Variants in MS4A13 observed in about 807,000 individuals in gnomAD.
MS4A13 encodes membrane-spanning 4-domains subfamily A member 13.
In MS4A13, 21 loss-of-function variants were observed where a neutral mutation model predicts 18.4. The ratio of observed to expected loss-of-function variants is 1.14; its 90% CI spans 0.81 to 1.64. The LOEUF is 1.64. MS4A13 is among the 40% of genes most tolerant of loss of function. The pLI is 0.00. For missense variants in MS4A13, 173 were observed against 176.8 expected (o/e 0.98, Z 0.12); for synonymous variants, 62 against 57.2 (o/e 1.08, Z -0.38).
intron 5 of MS4A13, among the ~76,000 whole-genome samples, chr11:60,527,410 C>CTCTCTCTCTCTG (rs1555024373): frequency 3.5e-5 from 1 of 28,786 alleles, no homozygotes; most frequent in African/African-American, 1.6e-4. Context: ...CTCTCTCTCT[C>CTCTCTCTCTCTG]TGTGTGTGTG....
At chr11:60,540,314 T>C (rs1166804310) in intron 6 of MS4A13, among the ~76,000 whole-genome samples, 3 of 152,236 alleles carry the variant, frequency 2.0e-5, no homozygotes, top group Non-Finnish European at 2.9e-5. Context: ...GGTCCATGTA[T>C]CATAGCTTGC....
chr11:60,521,751 A>C (rs1221921084), intron 3 of MS4A13, among the ~76,000 whole-genome samples: 1 of 152,198 alleles, frequency 6.6e-6, no homozygotes, highest in African/African-American at 2.4e-5. Context: ...CCTGTTACCC[A>C]GTTCCAAAGT....
chr11:60,527,392 C>CTGTGTGTG (rs2086723454), intron 5 of MS4A13, among the ~76,000 whole-genome samples: 9 of 122,206 alleles, frequency 7.4e-5, no homozygotes, highest in African/African-American at 3.1e-4. Flanking sequence ...CTCTCTCTCT[C>CTGTGTGTG]TCTCTCTCTC....
intron 6 of MS4A13, among the ~76,000 whole-genome samples, chr11:60,531,628 A>G (rs2086767347): frequency 6.6e-6 from 1 of 152,216 alleles, no homozygotes; most frequent in South Asian, 2.1e-4. Context: ...ACTGTAGCTT[A>G]AACAACAAAC....
At chr11:60,537,005 C>A (rs1424530789) in intron 6 of MS4A13, among the ~76,000 whole-genome samples, 3 of 102,794 alleles carry the variant, frequency 2.9e-5, no homozygotes, top group African/African-American at 1.2e-4. Context: ...CCCTTCCTTA[C>A]ACCTTATACA....
At chr11:60,517,895 G>A (rs1265350155) in intron 2 of MS4A13, among the ~76,000 whole-genome samples, 177 bp from the exon 3 acceptor site, 1 of 152,142 alleles carries the variant, frequency 6.6e-6, no homozygotes, top group Non-Finnish European at 1.5e-5. Flanking sequence ...GTAAATCTCA[G>A]TCCTTCCTGA....
At chr11:60,519,284 G>A (rs1489633764) in intron 3 of MS4A13, among the ~76,000 whole-genome samples, 1 of 152,120 alleles carries the variant, frequency 6.6e-6, no homozygotes, top group East Asian at 1.9e-4. Context: ...TGATCCACAG[G>A]ACAGCACCTC....
chr11:60,541,519 TA>T (rs200015073), intron 6 of MS4A13, among the ~76,000 whole-genome samples: 1 of 152,132 alleles, frequency 6.6e-6, no homozygotes, highest in African/African-American at 2.4e-5. Context: ...TGCATACTTG[TA>T]AAAAAATCCA....
chr11:60,531,962 G>C (rs1454022389), intron 6 of MS4A13, among the ~76,000 whole-genome samples: 2 of 152,094 alleles, frequency 1.3e-5, no homozygotes, highest in African/African-American at 4.8e-5. Context: ...CACCACTCCT[G>C]GGAAATGAGG....
At chr11:60,529,779 A>G (rs2086751048) in intron 6 of MS4A13, among the ~76,000 whole-genome samples, 1 of 152,224 alleles carries the variant, frequency 6.6e-6, no homozygotes, top group Non-Finnish European at 1.5e-5. Context: ...AATTGTATGT[A>G]TTATATTCAC....
chr11:60,525,623 A>G (rs1056738427), intron 5 of MS4A13, among the ~76,000 whole-genome samples: 1 of 152,220 alleles, frequency 6.6e-6, no homozygotes, highest in Non-Finnish European at 1.5e-5. Context: ...CTCTTAATAC[A>G]AGAAAAGTAT....
At chr11:60,531,192 A>G (rs2086763910) in intron 6 of MS4A13, among the ~76,000 whole-genome samples, 1 of 152,156 alleles carries the variant, frequency 6.6e-6, no homozygotes, top group South Asian at 2.1e-4. Context: ...TTCCAAGACC[A>G]AAAGCGTTAT....
chr11:60,518,555 A>G (rs1456087795), intron 3 of MS4A13, among the ~76,000 whole-genome samples: 1 of 152,122 alleles, frequency 6.6e-6, no homozygotes, highest in African/African-American at 2.4e-5. Context: ...TCCTCACCCA[A>G]TGAGTCAGTA....
Position 60,529,416 on chromosome 11 carries a change from T to C in MS4A13, c.358T>C (p.Phe120Leu). 1 of 1,610,686 alleles carries C rather than the reference T, an allele frequency of 6.2e-7. No homozygotes were observed. The highest frequency in any genetic ancestry group is 1.3e-5 in the African/African-American group (1 of 74,882). ...TTTACTGTTCTTCTACGGTTTGGAA[T>C]TTTCTATTGCACTTACACACTCAAT... ...RILLFFYGLE[F>L]SIALTHSIYS... Residue 120 changes from phenylalanine (F) to leucine (L), a missense_variant, in exon 6 of 7, where the codon TTT (phenylalanine) becomes CTT (leucine). Transcript: ENST00000378186.
At chr11:60,519,803 G>A (rs1277445262) in intron 3 of MS4A13, among the ~76,000 whole-genome samples, 2 of 152,202 alleles carry the variant, frequency 1.3e-5, no homozygotes, top group Admixed American at 6.5e-5. Flanking sequence ...ATTTAAGTTA[G>A]TGATGGAAAG....
chr11:60,538,177 T>TA (rs1555025699), intron 6 of MS4A13, among the ~76,000 whole-genome samples: 3,156 of 75,032 alleles, frequency 0.042, 115 homozygotes, highest in African/African-American at 0.12. Context: ...TAAAGTATAA[T>TA]AAAAAAAAAA....
chr11:60,539,619 G>A lies in MS4A13; in HGVS notation c.403-2900G>A, dbSNP rs563181509. On this transcript the variant is annotated intron_variant, in intron 6 of 6. Transcript: ENST00000378186. ...ATTCAATACATCCAAAAAGCTCAAG[G>A]ATCTTCAAGTAAAATAAACACAAAG... Among the ~76,000 whole-genome samples, 12 of 151,968 alleles carry A rather than the reference G, an allele frequency of 7.9e-5. No homozygotes were observed. In the South Asian group the frequency reaches 2.3e-3, roughly 29 times the overall value.
intron 6 of MS4A13, among the ~76,000 whole-genome samples, chr11:60,538,177 T>TTAAAAAAAAAAA (rs60140970): frequency 1.3e-4 from 10 of 75,106 alleles, no homozygotes; most frequent in East Asian, 3.5e-4. Context: ...TAAAGTATAA[T>TTAAAAAAAAAAA]AAAAAAAAAA....
chr11:60,524,884 T>A (rs1247793121), intron 4 of MS4A13, among the ~76,000 whole-genome samples: 1 of 151,972 alleles, frequency 6.6e-6, no homozygotes, highest in Non-Finnish European at 1.5e-5. Flanking sequence ...ATGGTCTCGA[T>A]CTCCTGACCT....
Sources: gnomAD v4.1 joint callset for allele counts (sites outside exome capture counted in the v4.1 genomes callset) on GRCh38, gnomAD v4.1.1 for gene constraint, MANE v1.5 for transcripts, NCBI Gene and HGNC (gene_info 2026-07-23, HGNC 2026-07-21) for gene names.